Variants in CEACAM21 observed in about 807,000 individuals in gnomAD.
CEACAM21 encodes cell adhesion molecule CEACAM21.
CEACAM21 carries 38 observed loss-of-function variants against 33.2 expected under a neutral mutation model. That is an observed-to-expected ratio of 1.14 (90% CI 0.88 to 1.50). The LOEUF (loss-of-function observed/expected upper bound fraction) is 1.50, where lower values mean the gene tolerates loss of function less well. Ranked by LOEUF, CEACAM21 falls within the 40% of genes most tolerant of loss-of-function variation. The pLI, the probability that CEACAM21 is intolerant of heterozygous loss-of-function variation, is 0.00. For synonymous variants in CEACAM21, 156 were observed against 143.0 expected, an observed-to-expected ratio of 1.09 and a Z score of -0.65; for missense variants, 385 against 364.6, an observed-to-expected ratio of 1.06 and a Z score of -0.46.
intron 2 of CEACAM21, among the ~76,000 whole-genome samples, chr19:41,566,908 T>A (rs997371243): frequency 6.6e-6 from 1 of 152,214 alleles, no homozygotes; most frequent in Admixed American, 6.5e-5. Flanking sequence ...GAGATAGTTG[T>A]CCGTTTCATC....
chr19:41,561,257 C>A (rs1372500653), intron 1 of CEACAM21, among the ~76,000 whole-genome samples: 1 of 152,168 alleles, frequency 6.6e-6, no homozygotes, highest in Admixed American at 6.5e-5. Flanking sequence ...TCTGCCTCAG[C>A]CTCCCAGGTA....
chr19:41,585,495 G>T lies in CEACAM21; in HGVS notation c.850G>T (p.Gly284Cys), dbSNP rs199631079. 19 of 1,613,772 alleles carry T rather than the reference G, an allele frequency of 1.2e-5. No homozygotes were observed. Among genetic ancestry groups the T allele is most frequent in the Admixed American group, 6.7e-5 (4 of 60,000 alleles). Residue 284 changes from glycine to cysteine, a missense_variant and splice_region_variant, in exon 5 of 7, where the codon GGC becomes TGC. Coordinates refer to ENST00000401445, the MANE Select transcript of CEACAM21 (RefSeq NM_001098506.4). ...GCAGCAGCCCCCAGCCTCCACCCCC[G>T]GTGAGTGTCCCTTCAGTCTGGGTGT... ...REQQPPASTP[G>C]HGPSDSSIS
upstream of CEACAM21, among the ~76,000 whole-genome samples, chr19:41,572,495 T>C (rs2042674851): frequency 6.6e-6 from 1 of 152,140 alleles, no homozygotes; most frequent in African/African-American, 2.4e-5. Context: ...GTTCCCAGAA[T>C]GTTCCTCCTC....
chr19:41,565,989 G>C (rs965860175), intron 2 of CEACAM21, among the ~76,000 whole-genome samples: 1 of 151,894 alleles, frequency 6.6e-6, no homozygotes, highest in Non-Finnish European at 1.5e-5. Context: ...GGGTTCTGGA[G>C]GATTGATGGC....
At chr19:41,569,544 G>T (rs1163813003) in intron 2 of CEACAM21, among the ~76,000 whole-genome samples, 2 of 152,088 alleles carry the variant, frequency 1.3e-5, no homozygotes, top group African/African-American at 4.8e-5. Context: ...TTCAGAGAGG[G>T]CAGGGCCTGC....
At chr19:41,573,896 A>G (rs919194250), upstream of CEACAM21, among the ~76,000 whole-genome samples, 3 of 152,236 alleles carry the variant, frequency 2.0e-5, no homozygotes, top group Non-Finnish European at 2.9e-5. Context: ...CAGAATGGCC[A>G]AAACAATCTG....
At chr19:41,557,303 T>TA (rs1296924988) in intron 1 of CEACAM21, among the ~76,000 whole-genome samples, 1 of 152,192 alleles carries the variant, frequency 6.6e-6, no homozygotes, top group Admixed American at 6.5e-5. Context: ...ACAGACCCGT[T>TA]ACTCTGTGGC....
chr19:41,585,423 A>T lies in CEACAM21; in HGVS notation c.798-20A>T, dbSNP rs782622562. ...GACTTTTAACCTTGCACCTTCACAA[A>T]TAACCCTGACCTTTCCTAGGGCCAG... is the stretch of plus-strand genomic sequence containing the variant. On this transcript the variant is annotated intron_variant, in intron 4 of 6. Transcript: ENST00000401445. 2 of 1,613,692 alleles carry T rather than the reference A, an allele frequency of 1.2e-6. No individual in the cohort carries two copies. Among genetic ancestry groups the T allele is most frequent in the Non-Finnish European group, 1.7e-6 (2 of 1,179,700 alleles).
chr19:41,584,204 C>T, intron 3 of CEACAM21, 143 bp from the exon 4 acceptor site: 2 of 660,450 alleles, frequency 3.0e-6, no homozygotes. Context: ...AGCAAGGGAG[C>T]CAGCTATGAG....
At chr19:41,553,186 G>A (rs187952364) in intron 1 of CEACAM21, among the ~76,000 whole-genome samples, 149 of 152,026 alleles carry the variant, frequency 9.8e-4, no homozygotes, top group South Asian at 2.3e-3. Flanking sequence ...GAAGTGGCAC[G>A]ATCTTGACTC....
chr19:41,577,204 A>G lies in CEACAM21; in HGVS notation c.69A>G (p.Ser23=). ...IPWQGLLLTA[S]LLTFWNAPTT... Reference sequence around the variant, plus strand: ...GATATTCTCTCCCTTTCCTAGCCTCACTTTTAACTTTCTGGAACGCACCCA... The same window carrying G: ...GATATTCTCTCCCTTTCCTAGCCTCGCTTTTAACTTTCTGGAACGCACCCA... Residue 23 remains serine (S), a synonymous_variant, in exon 2 of 7, where the codon TCA becomes TCG. Transcript: ENST00000401445. 2 of 1,613,896 alleles carry G rather than the reference A, an allele frequency of 1.2e-6. No homozygotes were observed. Among genetic ancestry groups the G allele is most frequent in the South Asian group, 2.2e-5 (2 of 91,060 alleles).
Position 41,579,519 on chromosome 19 carries a change from T to C in CEACAM21, c.591T>C (p.His197=), listed in dbSNP as rs782646441. ...TKRMKLSWFN[H]VLTIDPIRQE... is the part of the protein sequence containing the mutation. Reference sequence around the variant, plus strand: ...GGATGAAGCTGTCCTGGTTTAACCATGTGCTCACCATAGACCCCATCAGGC... The same window carrying C: ...GGATGAAGCTGTCCTGGTTTAACCACGTGCTCACCATAGACCCCATCAGGC... The change falls in exon 3 of 7, where the codon CAT becomes CAC. Residue 197 remains histidine, a synonymous_variant. Transcript: ENST00000401445. The C allele has an allele frequency of 1.2e-6, 2 of 1,613,658 alleles. No individual in the cohort carries two copies. The highest frequency in any genetic ancestry group is 2.2e-5 in the South Asian group (2 of 91,034).
At chr19:41,560,909 A>T (rs1301466179) in intron 1 of CEACAM21, among the ~76,000 whole-genome samples, 2 of 152,234 alleles carry the variant, frequency 1.3e-5, no homozygotes. Context: ...GGTGTTCACC[A>T]TCCCCACTTT....
chr19:41,556,047 T>C (rs543083505), intron 1 of CEACAM21, among the ~76,000 whole-genome samples: 1 of 152,334 alleles, frequency 6.6e-6, no homozygotes, highest in East Asian at 1.9e-4. Context: ...TGTCCCTGAC[T>C]CTGGACTCCA....
chr19:41,577,737 C>T (rs959531793), intron 2 of CEACAM21, among the ~76,000 whole-genome samples, 178 bp downstream of exon 2: 16 of 152,190 alleles, frequency 1.1e-4, no homozygotes, highest in African/African-American at 3.9e-4. Flanking sequence ...GAATTCCTTT[C>T]CCTTATCCGG....
chr19:41,574,223 A>G (rs2042787210), upstream of CEACAM21, among the ~76,000 whole-genome samples: 1 of 152,262 alleles, frequency 6.6e-6, no homozygotes, highest in African/African-American at 2.4e-5. Flanking sequence ...CCTAAATGGA[A>G]TAGCAAAACT....
chr19:41,561,721 G>T (rs2041894878), intron 1 of CEACAM21, among the ~76,000 whole-genome samples: 1 of 152,164 alleles, frequency 6.6e-6, no homozygotes, highest in African/African-American at 2.4e-5. Context: ...TATGCTGGTG[G>T]CACAGAGTGA....
chr19:41,577,557 A>T lies in CEACAM21; in HGVS notation c.422A>T (p.Tyr141Phe). 6.2e-7 allele frequency: 1 copy of T among 1,612,856 alleles called. No individual in the cohort carries two copies. The highest frequency in any genetic ancestry group is 8.5e-7 in the Non-Finnish European group (1 of 1,179,738). The change falls in exon 2 of 7, where the codon TAC (tyrosine) becomes TTC (phenylalanine). Residue 141 changes from tyrosine (Y) to phenylalanine (F), a missense_variant and splice_region_variant. Tyr to Phe is a conservative substitution (Grantham distance 22). Coordinates refer to ENST00000401445, the MANE Select transcript of CEACAM21 (RefSeq NM_001098506.4). The stretch of plus-strand genomic sequence containing the variant: ...CAGGCATCTCACCATCTCCGTGTAT[A>T]CGGTGAGTGATTCCTCCGTGCCTCT... ...IEQASHHLRV[Y>F]ESVAQPSIQA...
chr19:41,584,430 C>A lies in CEACAM21; in HGVS notation c.784C>A (p.Arg262=). The A allele has an allele frequency of 6.2e-7, 1 of 1,606,170 alleles. No homozygotes were observed. Among genetic ancestry groups the A allele is most frequent in the Non-Finnish European group, 8.5e-7 (1 of 1,176,018 alleles). The change falls in exon 4 of 7, where the codon CGA becomes AGA. Residue 262 remains arginine, a synonymous_variant. Coordinates refer to ENST00000401445, the MANE Select transcript of CEACAM21 (RefSeq NM_001098506.4). Reference sequence around the variant, plus strand: ...TGCACTTGTGTGTTTCCTGCTCCTCCGAAAAACTGGCAGGTACCACAGCTT... The same window carrying A: ...TGCACTTGTGTGTTTCCTGCTCCTCAGAAAAACTGGCAGGTACCACAGCTT... The part of the protein sequence containing the change: ...VAALVCFLLL[R]KTGRASDQSD...
Sources: allele counts gnomAD v4.1 joint callset (sites outside exome capture counted in the v4.1 genomes callset), GRCh38; gene constraint gnomAD v4.1.1; transcripts MANE v1.5; gene names NCBI Gene and HGNC (gene_info 2026-07-23, HGNC 2026-07-21).